Variants in ADAMTSL3 observed in about 807,000 individuals in gnomAD.
The protein encoded by ADAMTSL3 is ADAMTS like 3, also known as ADAMTS-like protein 3.
Under a neutral mutation model 201.7 loss-of-function variants are expected in ADAMTSL3, and 128 were observed. That is an observed-to-expected ratio of 0.63 (90% confidence interval 0.55 to 0.73). The LOEUF (loss-of-function observed/expected upper bound fraction) is 0.73. Among genes scored for constraint, ADAMTSL3 ranks in the 30% least tolerant of loss-of-function variants. The probability of loss-of-function intolerance (pLI) is 0.00; values close to 1 mark genes in which losing one functional copy is unlikely to be tolerated. For missense variants in ADAMTSL3, 1,990 were observed against 2,119.6 expected (o/e 0.94, Z 1.20); for synonymous variants, 738 against 748.4 (o/e 0.99, Z 0.23).
chr15:83,841,975 G>A (rs944538925), intron 7 of ADAMTSL3, among the ~76,000 whole-genome samples: 11 of 151,466 alleles, frequency 7.3e-5, no homozygotes, highest in African/African-American at 1.9e-4. Context: ...GAGGGCGGAC[G>A]GACGAGATCC....
intron 6 of ADAMTSL3, among the ~76,000 whole-genome samples, chr15:83,829,127 A>G (rs1352759481): frequency 6.6e-6 from 1 of 151,984 alleles, no homozygotes; most frequent in African/African-American, 2.4e-5. Context: ...GTACCTCTGG[A>G]AGAATTCGGC....
At chr15:83,679,028 A>G (rs921713486) in intron 2 of ADAMTSL3, among the ~76,000 whole-genome samples, 2 of 150,302 alleles carry the variant, frequency 1.3e-5, no homozygotes, top group Non-Finnish European at 3.0e-5. Context: ...TTTTCAGTAT[A>G]TTTTCTTTCT....
intron 23 of ADAMTSL3, among the ~76,000 whole-genome samples, chr15:84,003,897 C>T (rs998848148): frequency 2.6e-5 from 4 of 152,110 alleles, no homozygotes; most frequent in African/African-American, 7.2e-5. Context: ...ACAGCAAGAC[C>T]GAGAGGCCCA....
At chr15:84,025,561 A>G in intron 27 of ADAMTSL3, 125 bp downstream of exon 27, 2 of 864,104 alleles carry the variant, frequency 2.3e-6, no homozygotes, top group Non-Finnish European at 3.6e-6. Context: ...GGTCTCTGAA[A>G]TGAATGTATG....
At chr15:83,727,067 A>G (rs970667200) in intron 3 of ADAMTSL3, among the ~76,000 whole-genome samples, 2 of 151,882 alleles carry the variant, frequency 1.3e-5, no homozygotes, top group African/African-American at 4.8e-5. Flanking sequence ...CTTCAATCAC[A>G]TTACTTGTTA....
chr15:83,996,704 C>T (rs929023438), intron 23 of ADAMTSL3, among the ~76,000 whole-genome samples: 3 of 147,458 alleles, frequency 2.0e-5, no homozygotes, highest in Non-Finnish European at 4.4e-5. Context: ...TGGTGTGAAC[C>T]CAGGAGGCGG....
At chr15:83,905,281 C>T (rs1416768178) in intron 15 of ADAMTSL3, among the ~76,000 whole-genome samples, 1 of 152,118 alleles carries the variant, frequency 6.6e-6, no homozygotes, top group Non-Finnish European at 1.5e-5. Flanking sequence ...ATTATAATTA[C>T]GTTATGGTGT....
At chr15:83,825,529 G>A in intron 6 of ADAMTSL3, among the ~76,000 whole-genome samples, 1 of 152,188 alleles carries the variant, frequency 6.6e-6, no homozygotes, top group Middle Eastern at 3.4e-3. Context: ...CTGAGGCAAG[G>A]ATTCGCTTGA....
intron 3 of ADAMTSL3, among the ~76,000 whole-genome samples, chr15:83,726,666 G>A (rs2062180230): frequency 6.6e-6 from 1 of 151,852 alleles, no homozygotes; most frequent in Non-Finnish European, 1.5e-5. Flanking sequence ...TATGGTTTTT[G>A]TCCTTCATTC....
intron 4 of ADAMTSL3, among the ~76,000 whole-genome samples, chr15:83,798,018 G>T (rs958640115): frequency 7.9e-5 from 12 of 152,102 alleles, no homozygotes; most frequent in African/African-American, 2.7e-4. Context: ...ATTTATAAAT[G>T]GGATTCCTAC....
chr15:83,824,448 A>G (rs1289091144), intron 6 of ADAMTSL3, among the ~76,000 whole-genome samples: 3 of 152,168 alleles, frequency 2.0e-5, no homozygotes, highest in Non-Finnish European at 4.4e-5. Context: ...AAAGTGATAC[A>G]GTTATTACAG....
At chr15:83,788,957 G>A (rs975397141) in intron 4 of ADAMTSL3, among the ~76,000 whole-genome samples, 2 of 152,010 alleles carry the variant, frequency 1.3e-5, no homozygotes, top group South Asian at 2.1e-4. Context: ...CTACAGGCAC[G>A]TGCCACCATG....
At chr15:83,863,235 T>C (rs2064903978) in intron 8 of ADAMTSL3, among the ~76,000 whole-genome samples, 1 of 152,042 alleles carries the variant, frequency 6.6e-6, no homozygotes, top group African/African-American at 2.4e-5. Flanking sequence ...AACAAGGATA[T>C]CCAGGAATTG....
At chr15:83,999,572 AG>A (rs2067752111) in intron 23 of ADAMTSL3, among the ~76,000 whole-genome samples, 1 of 152,162 alleles carries the variant, frequency 6.6e-6, no homozygotes, top group Admixed American at 6.5e-5. Flanking sequence ...GAATGAGAAA[AG>A]GTAGGTAGAA....
chr15:83,764,041 A>C (rs989409499), intron 3 of ADAMTSL3, among the ~76,000 whole-genome samples: 1 of 152,222 alleles, frequency 6.6e-6, no homozygotes, highest in African/African-American at 2.4e-5. Flanking sequence ...AAATCATTTA[A>C]TACAGAAGCC....
At position 83,754,191 on chromosome 15, in the gene ADAMTSL3, CTCA is replaced by C. The variant is rs1596144403; in HGVS notation, c.190-19331_190-19329del. On this transcript the variant is annotated intron_variant, in intron 3 of 29. Transcript: ENST00000286744. The stretch of plus-strand genomic sequence containing the variant: ...AACAACCATAAATGTCTCCAGGCAT[CTCA>C]AAATGTTCCCTGGGGGGCAAAACTG... 2.0e-5 allele frequency among the ~76,000 whole-genome samples: 3 copies of C among 152,308 alleles called. No individual in the cohort carries two copies. The South Asian group carries it at 6.2e-4, about 32-fold the overall frequency.
At chr15:83,736,241 A>T (rs1259300953) in intron 3 of ADAMTSL3, among the ~76,000 whole-genome samples, 1 of 152,240 alleles carries the variant, frequency 6.6e-6, no homozygotes, top group African/African-American at 2.4e-5. Flanking sequence ...AGTATAGAAT[A>T]TTCAATGATT....
At chr15:83,785,561 G>C (rs965144972) in intron 4 of ADAMTSL3, among the ~76,000 whole-genome samples, 8 of 151,968 alleles carry the variant, frequency 5.3e-5, no homozygotes, top group Non-Finnish European at 5.9e-5. Flanking sequence ...TTAAGTTCAA[G>C]AGTTTTACAA....
At chr15:83,662,601 A>C (rs1171466991) in intron 2 of ADAMTSL3, among the ~76,000 whole-genome samples, 2 of 57,678 alleles carry the variant, frequency 3.5e-5, no homozygotes, top group Non-Finnish European at 6.9e-5. Context: ...AGAAAGAAAG[A>C]AAAAAAAAAA....
Sources: gnomAD v4.1 joint callset for allele counts (sites outside exome capture counted in the v4.1 genomes callset) on GRCh38, gnomAD v4.1.1 for gene constraint, MANE v1.5 for transcripts, NCBI Gene and HGNC (gene_info 2026-07-23, HGNC 2026-07-21) for gene names.